Variants in TEX9 observed in about 807,000 individuals in gnomAD.
TEX9 encodes testis expressed 9, also known as testis-expressed protein 9.
A neutral mutation model predicts 59.6 loss-of-function variants in TEX9; 74 were observed. The ratio of observed to expected loss-of-function variants is 1.24; its 90% CI spans 1.03 to 1.51. The LOEUF is 1.51. Among genes scored for constraint, TEX9 ranks in the 40% most tolerant of loss-of-function variants. TEX9 has a pLI of 0.00. For synonymous variants in TEX9, 186 were observed against 152.2 expected (o/e 1.22, Z -1.64); for missense variants, 522 against 447.8 (o/e 1.17, Z -1.49).
intron 1 of TEX9, among the ~76,000 whole-genome samples, chr15:56,247,481 G>A (rs2043887488): frequency 6.6e-6 from 1 of 152,182 alleles, no homozygotes; most frequent in Non-Finnish European, 1.5e-5. Flanking sequence ...CAGAGCAACA[G>A]AGGGAAGATG....
At position 56,267,715 on chromosome 15, in the gene TEX9, G is replaced by C. The variant is rs933746179; in HGVS notation, c.-107+23437G>C. Among the ~76,000 whole-genome samples, 4 of 152,176 alleles carry C rather than the reference G, an allele frequency of 2.6e-5. No individual in the cohort carries two copies. The East Asian group carries it at 5.8e-4, about 22-fold the overall frequency. On this transcript the variant is annotated intron_variant, in intron 1 of 5. Transcript: ENST00000560827. ...TCTGTTTTGGTACCAGTACCATGCT[G>C]TTTTGTTTACTGTAGGGTTGTAGTA...
At chr15:56,398,798 T>G (rs1339319768) in intron 9 of TEX9, among the ~76,000 whole-genome samples, 1 of 152,160 alleles carries the variant, frequency 6.6e-6, no homozygotes, top group Non-Finnish European at 1.5e-5. Context: ...TGGGGATAAT[T>G]TTTTGAGTGC....
chr15:56,427,819 A>ATGTT, intron 11 of TEX9, 80 bp downstream of exon 11: 2 of 1,160,684 alleles, frequency 1.7e-6, no homozygotes, highest in South Asian at 4.1e-5. Flanking sequence ...CACTTTAGGT[A>ATGTT]TGTTTTTGAC....
intron 3 of TEX9, among the ~76,000 whole-genome samples, chr15:56,383,307 C>CA (rs2047817215): frequency 6.6e-6 from 1 of 152,224 alleles, no homozygotes; most frequent in Admixed American, 6.5e-5. Context: ...TAAGTCTCTC[C>CA]AACCTTCTTC....
chr15:56,326,319 T>C (rs1341435490), intron 1 of TEX9, among the ~76,000 whole-genome samples: 2 of 152,332 alleles, frequency 1.3e-5, no homozygotes, highest in East Asian at 3.9e-4. Context: ...TATTTGAAAG[T>C]AGTTTTCATG....
chr15:56,446,154 G>A (rs1263070511), downstream of TEX9, among the ~76,000 whole-genome samples: 8 of 151,936 alleles, frequency 5.3e-5, no homozygotes, highest in Non-Finnish European at 1.0e-4. Flanking sequence ...GTGTGTGTGT[G>A]TACATATGTT....
the TEX9 span, among the ~76,000 whole-genome samples, chr15:56,460,009 A>AAAAAAAAAATATATATATATATATATAT: frequency 2.7e-4 from 7 of 26,366 alleles, 1 homozygote; most frequent in East Asian, 2.3e-3. Flanking sequence ...AAAAAAAAAA[A>AAAAAAAAAATATATATATATATATATAT]ATACATATAT....
chr15:56,258,224 A>G (rs1292605989), intron 1 of TEX9, among the ~76,000 whole-genome samples: 2 of 152,104 alleles, frequency 1.3e-5, no homozygotes, highest in Non-Finnish European at 2.9e-5. Context: ...GGGTAGCATG[A>G]TGCCCCTAGC....
intron 9 of TEX9, 32 bp from the exon 10 acceptor site, chr15:56,412,270 A>AT: frequency 6.4e-7 from 1 of 1,565,816 alleles, no homozygotes; most frequent in Non-Finnish European, 8.6e-7. Flanking sequence ...TGATATATTT[A>AT]TAAATGTTCC....
intron 3 of TEX9, among the ~76,000 whole-genome samples, chr15:56,379,774 C>T (rs1468997333): frequency 1.3e-5 from 2 of 151,498 alleles, no homozygotes; most frequent in Non-Finnish European, 2.9e-5. Context: ...GGATTGACCT[C>T]TTTAGCATTA....
intron 1 of TEX9, among the ~76,000 whole-genome samples, chr15:56,351,392 AAAG>A (rs1468145187): frequency 6.6e-6 from 1 of 152,234 alleles, no homozygotes; most frequent in Non-Finnish European, 1.5e-5. Flanking sequence ...ATCCTCCTTT[AAAG>A]AAGATATCTT....
In TEX9 at chr15:56,272,751, A is replaced by G. The variant is rs571582381; in HGVS notation, c.-107+28473A>G. 1.6e-4 allele frequency among the ~76,000 whole-genome samples: 24 copies of G among 152,276 alleles called. No individual in the cohort carries two copies. In the South Asian group the frequency reaches 4.6e-3, roughly 29 times the overall value. Reference sequence around the variant, plus strand: ...ATAGATTTGACTTAAAAAAATGTATAACATACTCTTTTATTTAGTTGTGTT... The same window carrying G: ...ATAGATTTGACTTAAAAAAATGTATGACATACTCTTTTATTTAGTTGTGTT... On this transcript the variant is annotated intron_variant, in intron 1 of 5. Transcript: ENST00000560827.
chr15:56,312,136 C>T (rs1308274762), intron 1 of TEX9, among the ~76,000 whole-genome samples: 1 of 148,910 alleles, frequency 6.7e-6, no homozygotes, highest in East Asian at 1.9e-4. Flanking sequence ...TGTGCAGAAG[C>T]TCTTTAGTTT....
intron 12 of TEX9, among the ~76,000 whole-genome samples, chr15:56,432,265 T>A (rs536256430): frequency 1.3e-5 from 2 of 152,088 alleles, no homozygotes; most frequent in Admixed American, 6.6e-5. Context: ...AAAAGAAAAA[T>A]TTATAGTAAA....
intron 1 of TEX9, among the ~76,000 whole-genome samples, chr15:56,331,084 C>A (rs912143162): frequency 2.0e-5 from 3 of 152,128 alleles, no homozygotes; most frequent in Non-Finnish European, 4.4e-5. Flanking sequence ...ATACAAGGGT[C>A]AATTCAGTGA....
chr15:56,445,004 T>C (rs1197328024), intron 12 of TEX9, among the ~76,000 whole-genome samples: 1 of 152,078 alleles, frequency 6.6e-6, no homozygotes, highest in Non-Finnish European at 1.5e-5. Context: ...CATTATCTTA[T>C]TATTCTATTT....
chr15:56,418,667 C>CA (rs1157979590), intron 10 of TEX9, among the ~76,000 whole-genome samples: 3 of 151,218 alleles, frequency 2.0e-5, no homozygotes, highest in African/African-American at 4.9e-5. Flanking sequence ...AACCAAAAAA[C>CA]AAAAAAACAG....
intron 10 of TEX9, among the ~76,000 whole-genome samples, chr15:56,415,625 T>G (rs1319030646): frequency 1.3e-5 from 2 of 151,768 alleles, no homozygotes; most frequent in Non-Finnish European, 2.9e-5. Context: ...TTGTACCATG[T>G]GCTGTTTTGG....
At chr15:56,345,537 C>T (rs1294524250) in intron 1 of TEX9, among the ~76,000 whole-genome samples, 2 of 152,166 alleles carry the variant, frequency 1.3e-5, no homozygotes, top group Admixed American at 6.5e-5. Context: ...GATCCTCCCA[C>T]CTCAGCCTCC....
Sources: allele counts gnomAD v4.1 joint callset (sites outside exome capture counted in the v4.1 genomes callset), GRCh38; gene constraint gnomAD v4.1.1; transcripts MANE v1.5; gene names NCBI Gene and HGNC (gene_info 2026-07-23, HGNC 2026-07-21).